Variants in WNK2 observed in about 807,000 individuals in gnomAD.
WNK2 encodes the protein WNK lysine deficient protein kinase 2, also known as serine/threonine-protein kinase WNK2.
WNK2 carries 67 observed loss-of-function variants against 192.1 expected under a neutral mutation model. That is an observed-to-expected ratio of 0.35 (90% CI 0.29 to 0.43). The LOEUF is 0.43. Ranked by LOEUF, WNK2 falls within the 20% of genes least tolerant of loss-of-function variation. The pLI is 1.00. For synonymous variants in WNK2, 1,439 were observed against 1,393.9 expected (o/e 1.03, Z -0.72); for missense variants, 2,698 against 3,089.7 (o/e 0.87, Z 3.01).
chr9:93,282,533 G>A (rs1847895131), intron 19 of WNK2, among the ~76,000 whole-genome samples: 1 of 150,582 alleles, frequency 6.6e-6, no homozygotes, highest in African/African-American at 2.4e-5. Context: ...AATGGAAAAA[G>A]AGCACACTAA....
intron 19 of WNK2, among the ~76,000 whole-genome samples, chr9:93,277,802 C>G (rs770441999): frequency 6.6e-6 from 1 of 152,026 alleles, no homozygotes; most frequent in Non-Finnish European, 1.5e-5. Flanking sequence ...GGAACTCTAC[C>G]CCTAAAGAAA....
intron 2 of WNK2, among the ~76,000 whole-genome samples, chr9:93,213,075 G>A (rs759322376): frequency 6.6e-6 from 1 of 152,142 alleles, no homozygotes; most frequent in Non-Finnish European, 1.5e-5. Context: ...AGGGGGCACC[G>A]ATTGAGCCCT....
chr9:93,184,151 C>T lies in WNK2; in HGVS notation c.-237C>T, dbSNP rs1385171393. Among the ~76,000 whole-genome samples the T allele has an allele frequency of 1.3e-5, 2 of 149,952 alleles. No individual in the cohort carries two copies. Among genetic ancestry groups the T allele is most frequent in the East Asian group, 3.9e-4 (2 of 5,100 alleles). On this transcript the variant is annotated 5_prime_UTR_variant, in exon 1 of 30. Transcript: ENST00000427277. ...ACGGAGCCCCGCCCTCCCCGCGCGC[C>T]GGGTCGGAGCCGGTGCGGGAGCGGA... is the stretch of plus-strand genomic sequence containing the variant.
At chr9:93,299,713 G>A (rs763524348) in intron 25 of WNK2, among the ~76,000 whole-genome samples, 31 of 152,218 alleles carry the variant, frequency 2.0e-4, no homozygotes, top group Non-Finnish European at 4.3e-4. Context: ...GCCTTGAGGA[G>A]GAAATTCTCT....
chr9:93,231,647 G>T (rs1481567364), intron 4 of WNK2, among the ~76,000 whole-genome samples: 2 of 152,258 alleles, frequency 1.3e-5, no homozygotes, highest in Admixed American at 1.3e-4. Context: ...CATACCTGCG[G>T]GGCGGGGCAC....
intron 8 of WNK2, among the ~76,000 whole-genome samples, chr9:93,252,268 C>T (rs1487067426): frequency 2.0e-5 from 3 of 152,198 alleles, no homozygotes; most frequent in Non-Finnish European, 4.4e-5. Flanking sequence ...GGGGACCAGG[C>T]CAGCCTGAGC....
Position 93,261,801 on chromosome 9 carries a change from C to T in WNK2, c.3067-13C>T, listed in dbSNP as rs1554718929. On this transcript the variant is annotated splice_polypyrimidine_tract_variant and intron_variant, in intron 12 of 29. Transcript: ENST00000427277. ...GCCGGCCCTGACTTGCACCTTGTCC[C>T]CTGTGCCCCCAGATTCTGCTTGGCC... 2.5e-6 allele frequency: 4 copies of T among 1,580,074 alleles called. No individual in the cohort carries two copies. The highest frequency in any genetic ancestry group is 1.7e-6 in the Non-Finnish European group (2 of 1,165,796).
rs1474767967 is a variant in WNK2 at position 93,257,946 on chromosome 9, A to C, written c.2382+807A>C. On this transcript the variant is annotated intron_variant, in intron 11 of 29. Coordinates refer to ENST00000427277, the MANE Select transcript of WNK2 (RefSeq NM_006648.4). This position sits in a 1 kb window ranked among gnomAD's most constrained non-coding sequence, Gnocchi z 4.7. ...GGGCTTCGGTGACCCGGACAGGCTG[A>C]TCAGTGATAAGACTGGAAGTGTGCT... 6.6e-6 allele frequency among the ~76,000 whole-genome samples: 1 copy of C among 152,214 alleles called. No individual in the cohort carries two copies. Among genetic ancestry groups the C allele is most frequent in the African/African-American group, 2.4e-5 (1 of 41,450 alleles).
At chr9:93,262,780 C>T (rs1183986812) in intron 14 of WNK2, 61 bp downstream of exon 14, 2 of 1,563,224 alleles carry the variant, frequency 1.3e-6, no homozygotes, top group Admixed American at 1.7e-5. Context: ...TGTACAGCCA[C>T]TCAGCCTGGC....
chr9:93,307,609 CT>C (rs1852820145), intron 27 of WNK2: 1 of 152,334 alleles, frequency 6.6e-6, no homozygotes, highest in African/African-American at 2.4e-5. Context: ...TCCCAGCTCC[CT>C]CCTGCAGCAG....
intron 2 of WNK2, among the ~76,000 whole-genome samples, chr9:93,219,641 G>C (rs1487951033): frequency 6.6e-6 from 1 of 152,256 alleles, no homozygotes; most frequent in East Asian, 1.9e-4. Flanking sequence ...TAGCCCATCT[G>C]GGACACGCAG....
At chr9:93,310,036 TGGA>T (rs1332050286) in intron 28 of WNK2, among the ~76,000 whole-genome samples, 23 of 152,356 alleles carry the variant, frequency 1.5e-4, no homozygotes, top group Admixed American at 8.5e-4. Flanking sequence ...TTGCGGTTTG[TGGA>T]GATCTTCCAG....
In WNK2 at chr9:93,259,150, C is replaced by T. The variant is rs1414905895; in HGVS notation, c.2602C>T (p.Pro868Ser). 4.3e-6 allele frequency: 7 copies of T among 1,611,956 alleles called. No individual in the cohort carries two copies. Among genetic ancestry groups the T allele is most frequent in the East Asian group, 2.2e-5 (1 of 44,858 alleles). The change falls in exon 12 of 30, where the codon CCC becomes TCC. Residue 868 changes from proline (P) to serine (S), a missense_variant. Physicochemically the swap from Pro to Ser is moderately conservative, Grantham distance 74. Around this residue, in one of 7 missense-constraint regions of WNK2, gnomAD observed 893 missense variants for 909.0 expected, o/e 0.98. Coordinates refer to ENST00000427277, the MANE Select transcript of WNK2 (RefSeq NM_006648.4). The surrounding 1 kb of genome is among the most constrained non-coding windows in gnomAD (Gnocchi z 4.8). ...GAAGCTGCCCCACCCCCCTGGGGCG[C>T]CCCTGGCCATGCCCTGCCGGACCAT... ...AVKLPHPPGA[P>S]LAMPCRTIVP...
intron 2 of WNK2, among the ~76,000 whole-genome samples, chr9:93,211,244 ACTCACT>A (rs1429442040): frequency 1.3e-5 from 1 of 79,464 alleles, no homozygotes; most frequent in Admixed American, 1.6e-4. Context: ...TCACTCATTC[ACTCACT>A]CACTCATTCA....
intron 2 of WNK2, among the ~76,000 whole-genome samples, chr9:93,223,864 A>G (rs373059300): frequency 6.6e-6 from 1 of 152,340 alleles, no homozygotes; most frequent in African/African-American, 2.4e-5. Context: ...AAGGGGACAC[A>G]TATATGGTGG....
rs559668348 is a variant in WNK2, at chr9:93,206,948, G to A, written c.681+21338G>A. 5.3e-5 allele frequency among the ~76,000 whole-genome samples: 8 copies of A among 152,284 alleles called. No homozygotes were observed. The East Asian group carries it at 1.5e-3, about 29-fold the overall frequency. ...CTCTGCCACCCCCTGGGAATGTAGA[G>A]GACTCCCTGGCCCTGTCTCTTTATC... On this transcript the variant is annotated intron_variant, in intron 2 of 29. Transcript: ENST00000427277.
Position 93,247,628 on chromosome 9 carries a change from G to A in WNK2, c.1628G>A (p.Arg543Gln), listed in dbSNP as rs1419006172. 2 of 1,596,736 alleles carry A rather than the reference G, an allele frequency of 1.3e-6. No individual in the cohort carries two copies. The highest frequency in any genetic ancestry group is 2.7e-5 in the African/African-American group (2 of 74,568). ...RDRVALIQWR[R>Q]ERIWPALQPK... is the part of the protein sequence containing the mutation. ...CGCGTGGCCTTGATCCAGTGGCGGC[G>A]GGAGAGGATCTGGCCCGCGCTGCAG... The change falls in exon 8 of 30, where the codon CGG (arginine) becomes CAG (glutamine). Residue 543 changes from arginine (R) to glutamine (Q), a missense_variant. By Grantham distance (43) the Arg-to-Gln change is conservative. Around this residue, in one of 7 missense-constraint regions of WNK2, gnomAD observed 230 missense variants for 501.1 expected, o/e 0.46. Transcript: ENST00000427277. This position sits in a 1 kb window ranked among gnomAD's most constrained non-coding sequence, Gnocchi z 5.2.
rs1465656225 is a variant in WNK2 at position 93,239,865 on chromosome 9, G to A, written c.1431G>A (p.Arg477=). 6.2e-7 allele frequency: 1 copy of A among 1,605,050 alleles called. No individual in the cohort carries two copies. The highest frequency in any genetic ancestry group is 8.5e-7 in the Non-Finnish European group (1 of 1,175,998). The change falls in exon 7 of 30, where the codon AGG becomes AGA. Residue 477 remains arginine, a synonymous_variant. Coordinates refer to ENST00000427277, the MANE Select transcript of WNK2 (RefSeq NM_006648.4). The surrounding 1 kb of genome is among the most constrained non-coding windows in gnomAD (Gnocchi z 4.2). ...GCAGGAAGTCCACCATCGCCCTGAG[G>A]CTCTGGGTGGAAGACCCCAAGAAAC... ...DHGRKSTIAL[R]LWVEDPKKLK...
chr9:93,268,601 C>A (rs544537883), intron 18 of WNK2, 26 bp from the exon 19 acceptor site: 1 of 1,597,866 alleles, frequency 6.3e-7, no homozygotes, highest in African/African-American at 1.3e-5. Flanking sequence ...ACTCACTCAG[C>A]GTGCTGTTTC....
Sources: allele counts gnomAD v4.1 joint callset (sites outside exome capture counted in the v4.1 genomes callset), GRCh38; gene constraint gnomAD v4.1.1; regional missense constraint gnomAD v4.1.1; non-coding constraint Gnocchi (gnomAD v3.1); transcripts MANE v1.5; gene names NCBI Gene and HGNC (gene_info 2026-07-23, HGNC 2026-07-21).